Variants in MARCHF1 observed in about 807,000 individuals in gnomAD.
MARCHF1 encodes E3 ubiquitin-protein ligase MARCHF1.
In MARCHF1, 40 loss-of-function variants were observed where a neutral mutation model predicts 54.2. The ratio of observed to expected loss-of-function variants is 0.74; its 90% CI spans 0.57 to 0.96. The LOEUF (loss-of-function observed/expected upper bound fraction) is 0.96. Ranked by LOEUF, MARCHF1 falls within the 40% of genes least tolerant of loss-of-function variation. The pLI is 0.00. For missense variants in MARCHF1, 586 were observed against 656.5 expected (o/e 0.89, Z 1.17); for synonymous variants, 236 against 236.3 (o/e 1.00, Z 0.01).
chr4:163,641,464 T>A (rs1742553014), intron 5 of MARCHF1, among the ~76,000 whole-genome samples: 1 of 152,118 alleles, frequency 6.6e-6, no homozygotes, highest in South Asian at 2.1e-4. Context: ...GATGTATTTG[T>A]TCTGAAAACC....
intron 1 of MARCHF1, among the ~76,000 whole-genome samples, chr4:164,260,088 T>C (rs1375548099): frequency 2.0e-5 from 3 of 152,154 alleles, no homozygotes; most frequent in East Asian, 3.9e-4. Flanking sequence ...TCAAGAAATG[T>C]GGAGATAAAT....
At chr4:164,064,631 C>T (rs1257871782) in intron 2 of MARCHF1, among the ~76,000 whole-genome samples, 2 of 152,240 alleles carry the variant, frequency 1.3e-5, no homozygotes, top group Admixed American at 6.5e-5. Flanking sequence ...CATTTGGATG[C>T]CCTTTATTTC....
At chr4:164,332,110 A>T (rs983980089) in intron 1 of MARCHF1, among the ~76,000 whole-genome samples, 1 of 152,186 alleles carries the variant, frequency 6.6e-6, no homozygotes, top group African/African-American at 2.4e-5. Flanking sequence ...TAAGACCAGA[A>T]AATAATAATA....
At chr4:164,043,188 G>T (rs1370739734) in intron 2 of MARCHF1, among the ~76,000 whole-genome samples, 3 of 152,152 alleles carry the variant, frequency 2.0e-5, no homozygotes, top group Non-Finnish European at 4.4e-5. Context: ...CTGTATGGGG[G>T]CTCCAACACC....
At chr4:163,606,650 G>A (rs763281485) in intron 7 of MARCHF1, among the ~76,000 whole-genome samples, 5 of 152,056 alleles carry the variant, frequency 3.3e-5, no homozygotes, top group Non-Finnish European at 7.4e-5. Context: ...ACTACATTTG[G>A]TGGTGGTGTA....
At chr4:163,530,844 G>GA (rs1738320760) in intron 9 of MARCHF1, 1 of 151,750 alleles carries the variant, frequency 6.6e-6, no homozygotes, top group Non-Finnish European at 1.5e-5. Flanking sequence ...TCATCATCTT[G>GA]AATATTTACT....
Position 163,641,866 on chromosome 4 carries a change from T to C in MARCHF1, c.163-28473A>G, listed in dbSNP as rs188846088. Among the ~76,000 whole-genome samples, 241 of 152,298 alleles carry C rather than the reference T, an allele frequency of 1.6e-3. 1 individual carries two copies. Among genetic ancestry groups the C allele is most frequent in the African/African-American group, 5.6e-3 (234 of 41,570 alleles). On this transcript the variant is annotated intron_variant, in intron 5 of 9. Coordinates refer to ENST00000514618, the MANE Select transcript of MARCHF1 (RefSeq NM_001394959.1). ...TTGGAGTTAAATATTAGTCAGACTTTCCTAATTTCTTTGTTTTGATGGGCA... is the reference window on the plus strand; with the variant it reads ...TTGGAGTTAAATATTAGTCAGACTTCCCTAATTTCTTTGTTTTGATGGGCA...
In MARCHF1 at chr4:164,128,323, CAT is replaced by C. The variant is rs200104040; in HGVS notation, c.-322-16663_-322-16662del. Among the ~76,000 whole-genome samples the C allele has an allele frequency of 7.2e-3, 1,099 of 151,988 alleles. 18 individuals carry two copies. Among genetic ancestry groups the C allele is most frequent in the East Asian group, 0.034 (177 of 5,164 alleles). ...TATATTTAAAATACAGATTTTATAA[CAT>C]ATTTTTAAAATGACAAAAATTCAAC... On this transcript the variant is annotated intron_variant, in intron 1 of 9. Transcript: ENST00000514618.
At chr4:164,267,133 A>AG (rs1053273060) in intron 1 of MARCHF1, among the ~76,000 whole-genome samples, 5 of 152,160 alleles carry the variant, frequency 3.3e-5, no homozygotes, top group Admixed American at 3.3e-4. Flanking sequence ...ATTGTATGGA[A>AG]GGAAGGTTCA....
intron 1 of MARCHF1, among the ~76,000 whole-genome samples, chr4:164,223,457 A>G (rs1036252082): frequency 6.6e-6 from 1 of 152,044 alleles, no homozygotes; most frequent in African/African-American, 2.4e-5. Context: ...AATGGGTGCA[A>G]TAACAAACTT....
intron 3 of MARCHF1, among the ~76,000 whole-genome samples, chr4:163,937,560 C>A (rs944632204): frequency 6.6e-6 from 1 of 151,870 alleles, no homozygotes; most frequent in Admixed American, 6.6e-5. Context: ...TACACACACG[C>A]ACACACATAT....
At chr4:163,858,509 G>T (rs1749831641) in intron 3 of MARCHF1, among the ~76,000 whole-genome samples, 1 of 152,020 alleles carries the variant, frequency 6.6e-6, no homozygotes, top group African/African-American at 2.4e-5. Flanking sequence ...ACTTGAGAAT[G>T]GTCTTGTCTA....
chr4:163,561,408 TATTTC>T (rs1739463434), intron 8 of MARCHF1, among the ~76,000 whole-genome samples: 1 of 152,210 alleles, frequency 6.6e-6, no homozygotes, highest in African/African-American at 2.4e-5. Context: ...CATCTGTGAT[TATTTC>T]ATTAAGATAA....
intron 4 of MARCHF1, among the ~76,000 whole-genome samples, chr4:163,722,391 G>C (rs560865062): frequency 1.3e-5 from 2 of 152,296 alleles, no homozygotes; most frequent in South Asian, 4.1e-4. Context: ...TGTGGTCTGA[G>C]AGGCAGTTTG....
At chr4:163,782,374 T>C (rs1050831019) in intron 4 of MARCHF1, among the ~76,000 whole-genome samples, 1 of 152,078 alleles carries the variant, frequency 6.6e-6, no homozygotes, top group Non-Finnish European at 1.5e-5. Flanking sequence ...AGAGTCCTTA[T>C]TGAAAGGTCC....
At chr4:163,576,844 AAAGT>A (rs1379615697) in intron 8 of MARCHF1, among the ~76,000 whole-genome samples, 1 of 151,588 alleles carries the variant, frequency 6.6e-6, no homozygotes, top group Non-Finnish European at 1.5e-5. Context: ...CTATTGGTTT[AAAGT>A]CTGTTTTATC....
At chr4:164,113,684 A>T (rs529547218) in intron 1 of MARCHF1, among the ~76,000 whole-genome samples, 3 of 152,102 alleles carry the variant, frequency 2.0e-5, no homozygotes, top group Non-Finnish European at 4.4e-5. Context: ...TAAATAAATT[A>T]TTCAGGGAGG....
At chr4:163,925,016 T>C (rs1490805174) in intron 3 of MARCHF1, among the ~76,000 whole-genome samples, 1 of 151,760 alleles carries the variant, frequency 6.6e-6, no homozygotes, top group African/African-American at 2.4e-5. Flanking sequence ...TTAAAATAGA[T>C]TTTTAATGTC....
At chr4:164,371,573 A>G (rs1045431011) in intron 1 of MARCHF1, among the ~76,000 whole-genome samples, 1 of 152,184 alleles carries the variant, frequency 6.6e-6, no homozygotes, top group African/African-American at 2.4e-5. Flanking sequence ...ATAAGGAAAA[A>G]ATAACAAAAC....
Sources: gnomAD v4.1 joint callset for allele counts (sites outside exome capture counted in the v4.1 genomes callset) on GRCh38, gnomAD v4.1.1 for gene constraint, MANE v1.5 for transcripts, NCBI Gene and HGNC (gene_info 2026-07-23, HGNC 2026-07-21) for gene names.